The following SHANK1 variants were observed in gnomAD, a reference collection of about 807,000 sequenced individuals.
SHANK1 encodes the protein SH3 and multiple ankyrin repeat domains 1.
Under a neutral mutation model 165.6 loss-of-function variants are expected in SHANK1, and 35 were observed. The observed-to-expected ratio is 0.21, with a 90% CI of 0.16 to 0.28. SHANK1 has a LOEUF of 0.28. SHANK1 is among the 10% of genes least tolerant of loss of function. The pLI is 1.00. For synonymous variants in SHANK1, 1,428 were observed against 1,384.8 expected (o/e 1.03, Z -0.69); for missense variants, 2,681 against 3,036.4 (o/e 0.88, Z 2.75).
At position 50,703,785 on chromosome 19, in the gene SHANK1, G is replaced by C; in HGVS notation, c.1268C>G (p.Pro423Arg). ...GGGCACCGTCAGCCCTGTGCCTGGG[G>C]GCCCCCGTCGCCGGGCCGCGTACTT... ...SPKYAARRRG[P>R]PGTGLTVPPA... is the part of the protein sequence containing the mutation. The change falls in exon 11 of 24, where the codon CCC (proline) becomes CGC (arginine). Residue 423 changes from proline to arginine, a missense_variant. Coordinates refer to ENST00000293441, the MANE Select transcript of SHANK1 (RefSeq NM_016148.5). The C allele has an allele frequency of 7.0e-7, 1 of 1,429,078 alleles. No individual in the cohort carries two copies. Among genetic ancestry groups the C allele is most frequent in the Non-Finnish European group, 9.1e-7 (1 of 1,096,228 alleles). 88.5% of individuals were successfully genotyped at this position (1,429,078 alleles called of 1,614,324 possible).
At chr19:50,692,537 G>C (rs1986574202) in intron 15 of SHANK1, among the ~76,000 whole-genome samples, 2 of 150,680 alleles carry the variant, frequency 1.3e-5, no homozygotes, top group Admixed American at 6.6e-5. Flanking sequence ...GACCCACCCT[G>C]TTCCTGCTTC....
chr19:50,702,463 G>A lies in SHANK1; in HGVS notation c.1747+4C>T. On this transcript the variant is annotated splice_donor_region_variant and intron_variant, in intron 12 of 23. Transcript: ENST00000293441. This position sits in a 1 kb window ranked among gnomAD's most constrained non-coding sequence, Gnocchi z 5.3. ...AGCCCAGGCCCTGCTTCCACCCTGG[G>A]TACCTTTGATCTTCTCGCCCTTGCT... 1 of 1,607,872 alleles carries A rather than the reference G, an allele frequency of 6.2e-7. No individual in the cohort carries two copies. The highest frequency in any genetic ancestry group is 8.5e-7 in the Non-Finnish European group (1 of 1,176,936).
chr19:50,710,202 G>C (rs1036412470), intron 8 of SHANK1, among the ~76,000 whole-genome samples: 2 of 152,188 alleles, frequency 1.3e-5, no homozygotes, highest in African/African-American at 4.8e-5. Flanking sequence ...GAGCACGTGG[G>C]GAGAGAAGTG....
intron 23 of SHANK1, among the ~76,000 whole-genome samples, chr19:50,663,820 C>T (rs565534920): frequency 2.6e-4 from 40 of 151,320 alleles, no homozygotes; most frequent in Admixed American, 2.5e-3. Flanking sequence ...GAATTGCATT[C>T]AGTTCTTAAA....
intron 21 of SHANK1, among the ~76,000 whole-genome samples, chr19:50,672,518 T>C (rs1380015163): frequency 8.1e-6 from 1 of 124,064 alleles, no homozygotes; most frequent in African/African-American, 3.3e-5. Flanking sequence ...ATCACACCAC[T>C]GCACTCCAGC....
intron 21 of SHANK1, among the ~76,000 whole-genome samples, chr19:50,672,991 C>T (rs1985853894): frequency 1.3e-5 from 2 of 152,142 alleles, no homozygotes; most frequent in South Asian, 4.1e-4. Context: ...CATCCCTCAC[C>T]CACTGCTGGG....
Position 50,716,674 on chromosome 19 carries a change from C to T in SHANK1, c.246G>A (p.Leu82=). The T allele has an allele frequency of 1.3e-6, 2 of 1,573,822 alleles. No individual in the cohort carries two copies. Among genetic ancestry groups the T allele is most frequent in the Non-Finnish European group, 8.6e-7 (1 of 1,160,708 alleles). ...GTGGGCAGGTACTCACTGTCTGGTG[C>T]AGGTCCGGGATGCCAATCCTGAAGA... ...MMVFRIGIPD[L]HQTKCLRFNP... Residue 82 remains leucine (L), a synonymous_variant, in exon 2 of 24, where the codon CTG becomes CTA. Transcript: ENST00000293441. The surrounding 1 kb of genome is among the most constrained non-coding windows in gnomAD (Gnocchi z 8.4).
Position 50,659,492 on chromosome 19 carries a change from G to A in SHANK1, c.*2473C>T, listed in dbSNP as rs919601065. Among the ~76,000 whole-genome samples, 1 of 151,898 alleles carries A rather than the reference G, an allele frequency of 6.6e-6. No homozygotes were observed. Among genetic ancestry groups the A allele is most frequent in the African/African-American group, 2.4e-5 (1 of 41,434 alleles). On this transcript the variant is annotated 3_prime_UTR_variant, in exon 24 of 24. Transcript: ENST00000293441. ...CGAAAGGGAAGACCTGGGCACCGGG[G>A]CTTTCAGCGCGTGCCGAGCCCTGTC...
At position 50,662,574 on chromosome 19, in the gene SHANK1, G is replaced by A; in HGVS notation, c.5877C>T (p.Ser1959=). 1 of 1,564,394 alleles carries A rather than the reference G, an allele frequency of 6.4e-7. No homozygotes were observed. The highest frequency in any genetic ancestry group is 1.4e-5 in the African/African-American group (1 of 73,896). ...LPPLPTGTGV[S]PTAAAAPGAT... ...CCCCTGGGGCCGCAGCGGCTGTAGG[G>A]GAGACCCCTGTTCCGGTGGGGAGTG... is the stretch of plus-strand genomic sequence containing the variant. The change falls in exon 24 of 24, where the codon TCC becomes TCT. Residue 1959 remains serine (S), a synonymous_variant. Coordinates refer to ENST00000293441, the MANE Select transcript of SHANK1 (RefSeq NM_016148.5). The surrounding 1 kb of genome is among the most constrained non-coding windows in gnomAD (Gnocchi z 7.7).
chr19:50,711,292 G>A (rs1445591652), intron 8 of SHANK1, 79 bp downstream of exon 8: 5 of 863,288 alleles, frequency 5.8e-6, no homozygotes, highest in Non-Finnish European at 9.5e-6. Context: ...ATGCAGTCAA[G>A]AGGAGTGTCT....
intron 21 of SHANK1, among the ~76,000 whole-genome samples, chr19:50,685,203 G>T (rs1473848361): frequency 6.6e-6 from 1 of 152,164 alleles, no homozygotes; most frequent in East Asian, 1.9e-4. Context: ...TGGGGGATGT[G>T]TTGGAGGGAA....
Position 50,702,052 on chromosome 19 carries a change from G to A in SHANK1, c.1747+415C>T, listed in dbSNP as rs966909307. ...CAAAGTTAAGGCTGCTCGGCCTCAC[G>A]CTCTGCACCAGGTGGCAGGAAGGAC... On this transcript the variant is annotated intron_variant, in intron 12 of 23. Coordinates refer to ENST00000293441, the MANE Select transcript of SHANK1 (RefSeq NM_016148.5). The surrounding 1 kb of genome is among the most constrained non-coding windows in gnomAD (Gnocchi z 5.3). Among the ~76,000 whole-genome samples, 3 of 152,212 alleles carry A rather than the reference G, an allele frequency of 2.0e-5. No individual in the cohort carries two copies. The highest frequency in any genetic ancestry group is 4.4e-5 in the Non-Finnish European group (3 of 68,034).
intron 8 of SHANK1, among the ~76,000 whole-genome samples, chr19:50,709,466 C>A (rs956017828): frequency 6.6e-6 from 1 of 152,056 alleles, no homozygotes; most frequent in Non-Finnish European, 1.5e-5. Context: ...AATTATTGAC[C>A]CATTTCACAG....
Position 50,667,366 on chromosome 19 carries a change from T to G in SHANK1, c.4594A>C (p.Thr1532Pro). Reference protein sequence around the residue: ...SPRRSVPPSPTSPRASEENGL... With the variant: ...SPRRSVPPSPPSPRASEENGL... ...TTCTCTTCGCTGGCCCTCGGGGAGG[T>G]CGGGGAGGGGGGCACGGACCGGCGT... Residue 1532 changes from threonine to proline, a missense_variant, in exon 23 of 24, where the codon ACC (threonine) becomes CCC (proline). Thr to Pro is a conservative substitution (Grantham distance 38, BLOSUM62 -1). Transcript: ENST00000293441. The surrounding 1 kb of genome is among the most constrained non-coding windows in gnomAD (Gnocchi z 5.7). The G allele has an allele frequency of 6.6e-7, 1 of 1,524,018 alleles. No homozygotes were observed. The highest frequency in any genetic ancestry group is 8.8e-7 in the Non-Finnish European group (1 of 1,137,898). The allele number at this position is 1,524,018 out of a possible 1,614,324, so 94.4% of individuals were successfully genotyped here.
Position 50,667,137 on chromosome 19 carries a change from G to A in SHANK1, c.4823C>T (p.Pro1608Leu). Residue 1608 changes from proline to leucine, a missense_variant, in exon 23 of 24, where the codon CCG becomes CTG. Pro to Leu is a moderately conservative substitution (Grantham distance 98). Around this residue, in one of 10 missense-constraint regions of SHANK1, gnomAD observed 1,713 missense variants for 1,630.2 expected, o/e 1.05. Transcript: ENST00000293441. The surrounding 1 kb of genome is among the most constrained non-coding windows in gnomAD (Gnocchi z 5.7). The stretch of plus-strand genomic sequence containing the variant: ...GGTGGGAGGGGCTGCGGCCACAGCC[G>A]GGGGTGGCACAGGGGGTAACGGGGT... ...PATPLPPVPP[P>L]AVAAAPPTLD... 7 of 1,555,314 alleles carry A rather than the reference G, an allele frequency of 4.5e-6. No homozygotes were observed. Among genetic ancestry groups the A allele is most frequent in the Non-Finnish European group, 5.2e-6 (6 of 1,156,888 alleles).
At position 50,666,707 on chromosome 19, in the gene SHANK1, G is replaced by C; in HGVS notation, c.5253C>G (p.Leu1751=). ...STPGPPYPPQ[L]MTPSKLRGRA... ...GGCCCCGGAGCTTAGAGGGAGTCAT[G>C]AGCTGAGGAGGGTATGGCGGGCCGG... Residue 1751 remains leucine (L), a synonymous_variant, in exon 23 of 24, where the codon CTC becomes CTG. Transcript: ENST00000293441. 1.9e-6 allele frequency: 3 copies of C among 1,583,724 alleles called. No homozygotes were observed. The highest frequency in any genetic ancestry group is 2.6e-6 in the Non-Finnish European group (3 of 1,166,954).
chr19:50,675,381 A>G (rs146108985), intron 21 of SHANK1, among the ~76,000 whole-genome samples: 1 of 152,316 alleles, frequency 6.6e-6, no homozygotes, highest in Non-Finnish European at 1.5e-5. Context: ...GACAGTATAG[A>G]TATGGAACAT....
At chr19:50,674,247 T>G (rs1396982547) in intron 21 of SHANK1, among the ~76,000 whole-genome samples, 1 of 152,054 alleles carries the variant, frequency 6.6e-6, no homozygotes, top group Non-Finnish European at 1.5e-5. Context: ...TACAAGCAAG[T>G]GTTAGATGAG....
chr19:50,687,440 G>A, intron 19 of SHANK1, 142 bp downstream of exon 19: 3 of 627,946 alleles, frequency 4.8e-6, no homozygotes, highest in South Asian at 2.1e-5. Flanking sequence ...ACACACACAG[G>A]CCAGAGTCCG....
Sources: allele counts gnomAD v4.1 joint callset (sites outside exome capture counted in the v4.1 genomes callset), GRCh38; gene constraint gnomAD v4.1.1; regional missense constraint gnomAD v4.1.1; non-coding constraint Gnocchi (gnomAD v3.1); transcripts MANE v1.5; gene names NCBI Gene and HGNC (gene_info 2026-07-23, HGNC 2026-07-21).